Variants in NUP210L observed in about 807,000 individuals in gnomAD.
NUP210L encodes the protein nuclear pore membrane glycoprotein 210-like.
A neutral mutation model predicts 208.5 loss-of-function variants in NUP210L; 74 were observed. The ratio of observed to expected loss-of-function variants is 0.35; its 90% CI spans 0.29 to 0.43. The LOEUF is 0.43. Ranked by LOEUF, NUP210L falls within the 20% of genes least tolerant of loss-of-function variation. The pLI, the probability that NUP210L is intolerant of heterozygous loss-of-function variation, is 1.00. For synonymous variants in NUP210L, 780 were observed against 816.9 expected (o/e 0.95, Z 0.77); for missense variants, 1,843 against 2,289.4 (o/e 0.81, Z 3.98).
chr1:154,012,006 G>A (rs968436700), intron 34 of NUP210L, among the ~76,000 whole-genome samples: 5 of 151,900 alleles, frequency 3.3e-5, no homozygotes, highest in African/African-American at 4.8e-5. Context: ...CACCGCGCCC[G>A]GCCTAAAATT....
At chr1:154,005,212 A>G (rs1364331633) in intron 35 of NUP210L, among the ~76,000 whole-genome samples, 2 of 150,554 alleles carry the variant, frequency 1.3e-5, no homozygotes, top group South Asian at 4.2e-4. Flanking sequence ...AACTGCCTTC[A>G]TTATTTATTT....
At chr1:154,058,742 G>C (rs1484192751) in intron 20 of NUP210L, 49 bp from the exon 21 acceptor site, 4 of 1,584,782 alleles carry the variant, frequency 2.5e-6, no homozygotes, top group Admixed American at 3.6e-5. Flanking sequence ...CATGCTCCAA[G>C]CATAATCAAA....
chr1:154,006,834 A>ATATG (rs1650559378), intron 35 of NUP210L, among the ~76,000 whole-genome samples: 1 of 136,914 alleles, frequency 7.3e-6, no homozygotes, highest in Admixed American at 7.9e-5. Context: ...ATATATATAT[A>ATATG]TATATATGTA....
intron 16 of NUP210L, among the ~76,000 whole-genome samples, chr1:154,085,329 G>A (rs1478671160): frequency 4.0e-5 from 6 of 150,330 alleles, no homozygotes; most frequent in Non-Finnish European, 5.9e-5. Context: ...CAGCCTCAGC[G>A]ACAGAGCAAG....
rs545238819 is a variant in NUP210L, at chr1:154,075,325, TACAC to T, written c.2362-4864_2362-4861del. Among the ~76,000 whole-genome samples the T allele has an allele frequency of 6.6e-5, 10 of 152,298 alleles. No homozygotes were observed. The East Asian group carries it at 1.9e-3, about 29-fold the overall frequency. On this transcript the variant is annotated intron_variant, in intron 16 of 39. Transcript: ENST00000368559. Reference sequence around the variant, plus strand: ...AGACATACCCACGTATACATATATATACACACACATATACACATTCTTTGACAAG... The same window carrying T: ...AGACATACCCACGTATACATATATATACACATATACACATTCTTTGACAAG...
chr1:154,054,143 C>CT (rs1372657687), intron 25 of NUP210L, 85 bp downstream of exon 25: 1 of 1,403,018 alleles, frequency 7.1e-7, no homozygotes, highest in African/African-American at 1.4e-5. Flanking sequence ...TGCTGACACC[C>CT]TCCTCATTAC....
intron 12 of NUP210L, among the ~76,000 whole-genome samples, chr1:154,105,227 C>T (rs568726184): frequency 8.8e-5 from 13 of 147,766 alleles, no homozygotes; most frequent in Non-Finnish European, 1.9e-4. Flanking sequence ...CAGTGGCTCA[C>T]GCACGTAATC....
exon 32 of NUP210L, chr1:154,022,263 A>T (rs769304550): frequency 6.2e-7 from 1 of 1,614,182 alleles, no homozygotes. Context: ...CCAAAGCCCC[A>T]CAAGTGTCAG....
At chr1:154,131,738 C>T (rs1658263929) in intron 7 of NUP210L, among the ~76,000 whole-genome samples, 1 of 152,140 alleles carries the variant, frequency 6.6e-6, no homozygotes, top group Non-Finnish European at 1.5e-5. Flanking sequence ...GTTTTCTCCT[C>T]TTTGTAAATT....
intron 1 of NUP210L, among the ~76,000 whole-genome samples, chr1:154,153,935 G>A (rs1421841730): frequency 6.6e-6 from 1 of 152,120 alleles, no homozygotes; most frequent in Non-Finnish European, 1.5e-5. Flanking sequence ...CCTAGGAGAT[G>A]GCAAAGGGGT....
At chr1:154,118,509 T>C (rs1483149052) in intron 11 of NUP210L, among the ~76,000 whole-genome samples, 162 bp downstream of exon 11, 1 of 152,222 alleles carries the variant, frequency 6.6e-6, no homozygotes, top group East Asian at 1.9e-4. Context: ...CAAGTCTTGT[T>C]ATAGATGACA....
At chr1:153,994,729 T>G (rs1649721615) in intron 38 of NUP210L, among the ~76,000 whole-genome samples, 2 of 151,766 alleles carry the variant, frequency 1.3e-5, no homozygotes, top group African/African-American at 4.8e-5. Context: ...ATAAGGCAGT[T>G]TCATCTGGGC....
intron 16 of NUP210L, among the ~76,000 whole-genome samples, chr1:154,084,038 CTTTT>C (rs34861266): frequency 9.7e-6 from 1 of 103,610 alleles, no homozygotes; most frequent in Non-Finnish European, 1.9e-5. Flanking sequence ...CTTTTCCTTT[CTTTT>C]TTTTTTTTTT....
At chr1:154,144,396 C>T (rs12091348) in intron 2 of NUP210L, among the ~76,000 whole-genome samples, 21,337 of 152,046 alleles carry the variant, frequency 0.14, 2,750 homozygotes, top group African/African-American at 0.34. Context: ...ACTTTTCTGT[C>T]TCTTTCTGTC....
rs1654656749 is a variant in NUP210L, at chr1:154,070,509, A to G, written c.2362-44T>C. On this transcript the variant is annotated intron_variant, in intron 16 of 39. Transcript: ENST00000368559. ...TAATAAAACAACAATTTAAAAATCA[A>G]TAGCCTAAGGGGTAGTAAGATATCT... 5.5e-6 allele frequency: 7 copies of G among 1,277,154 alleles called. No homozygotes were observed. In the East Asian group the frequency reaches 7.6e-5, roughly 14 times the overall value. 79.1% of individuals were successfully genotyped at this position (1,277,154 alleles called of 1,614,324 possible).
intron 17 of NUP210L, among the ~76,000 whole-genome samples, chr1:154,065,000 C>A (rs368242173): frequency 2.0e-5 from 3 of 151,636 alleles, no homozygotes; most frequent in African/African-American, 7.3e-5. Context: ...CGCTTGAAAC[C>A]GGGAGGTAGA....
chr1:153,993,826 C>T (rs561205724), intron 38 of NUP210L, among the ~76,000 whole-genome samples: 2 of 151,950 alleles, frequency 1.3e-5, no homozygotes, highest in South Asian at 2.1e-4. Flanking sequence ...TGAAACTGGG[C>T]GATGGAGGTT....
intron 27 of NUP210L, among the ~76,000 whole-genome samples, chr1:154,038,581 G>A (rs1652692531): frequency 6.6e-6 from 1 of 151,988 alleles, no homozygotes; most frequent in Non-Finnish European, 1.5e-5. Context: ...CTGACCTCAG[G>A]TGACCTGCCT....
At chr1:154,034,841 CTCT>C (rs1321770825) in intron 27 of NUP210L, among the ~76,000 whole-genome samples, 11 of 143,234 alleles carry the variant, frequency 7.7e-5, no homozygotes, top group Admixed American at 1.5e-4. Flanking sequence ...CTCTCTCTCT[CTCT>C]TTTTTTTTTT....
Sources: gnomAD v4.1 joint callset for allele counts (sites outside exome capture counted in the v4.1 genomes callset) on GRCh38, gnomAD v4.1.1 for gene constraint, MANE v1.5 for transcripts, NCBI Gene and HGNC (gene_info 2026-07-23, HGNC 2026-07-21) for gene names.